Variants in ADGRV1 observed in about 807,000 individuals in gnomAD.
ADGRV1 encodes adhesion G protein-coupled receptor V1.
ADGRV1 carries 359 observed loss-of-function variants against 596.2 expected under a neutral mutation model. The ratio of observed to expected loss-of-function variants is 0.60; its 90% CI spans 0.55 to 0.66. ADGRV1 has a LOEUF of 0.66. Ranked by LOEUF, ADGRV1 falls within the 30% of genes least tolerant of loss-of-function variation. ADGRV1 has a pLI of 0.00. For synonymous variants in ADGRV1, 2,681 were observed against 2,679.2 expected (o/e 1.00, Z -0.02); for missense variants, 7,274 against 7,575.6 (o/e 0.96, Z 1.48).
chr5:91,134,139 C>T (rs1431044214), intron 87 of ADGRV1, among the ~76,000 whole-genome samples: 1 of 151,556 alleles, frequency 6.6e-6, no homozygotes, highest in African/African-American at 2.4e-5. Flanking sequence ...GTACAGAGAA[C>T]TCTGTTTCTT....
chr5:90,941,332 T>A (rs1428938895), intron 83 of ADGRV1, among the ~76,000 whole-genome samples: 1 of 152,186 alleles, frequency 6.6e-6, no homozygotes, highest in Non-Finnish European at 1.5e-5. Context: ...GGCAGTCAAA[T>A]TGATTAACAT....
intron 62 of ADGRV1, 104 bp downstream of exon 62, chr5:90,778,147 T>G (rs1284030608): frequency 1.8e-5 from 24 of 1,309,978 alleles, no homozygotes; most frequent in African/African-American, 3.0e-5. Context: ...GTGTGTGTGG[T>G]TAGAAGTGGG....
chr5:90,660,267 A>T (rs1770072042), intron 21 of ADGRV1, among the ~76,000 whole-genome samples: 1 of 152,150 alleles, frequency 6.6e-6, no homozygotes, highest in African/African-American at 2.4e-5. Context: ...TCAATATTTA[A>T]ATTTTTAATT....
intron 84 of ADGRV1, among the ~76,000 whole-genome samples, chr5:90,976,046 A>C (rs986348794): frequency 4.6e-5 from 7 of 151,844 alleles, no homozygotes; most frequent in Non-Finnish European, 1.0e-4. Flanking sequence ...TAAAAAGTAC[A>C]TCTTTTTCTC....
chr5:90,711,464 G>T, intron 41 of ADGRV1, 142 bp downstream of exon 41: 1 of 580,072 alleles, frequency 1.7e-6, no homozygotes, highest in South Asian at 4.7e-5. Context: ...TAGGACAGAA[G>T]ATTTCCTCAT....
chr5:90,973,853 G>T (rs1779296912), intron 84 of ADGRV1, among the ~76,000 whole-genome samples: 1 of 152,150 alleles, frequency 6.6e-6, no homozygotes. Context: ...TCTGGCCAGG[G>T]CAGTCAGGCA....
At chr5:90,704,850 C>T (rs965728617) in intron 36 of ADGRV1, among the ~76,000 whole-genome samples, 1 of 151,596 alleles carries the variant, frequency 6.6e-6, no homozygotes, top group Non-Finnish European at 1.5e-5. Flanking sequence ...CTCACTCTGT[C>T]ACCAGGCTGG....
At chr5:90,818,352 A>T (rs943338522) in intron 75 of ADGRV1, among the ~76,000 whole-genome samples, 1 of 150,494 alleles carries the variant, frequency 6.6e-6, no homozygotes, top group African/African-American at 2.4e-5. Context: ...CAATCATGTC[A>T]TCTGCAAACA....
intron 22 of ADGRV1, among the ~76,000 whole-genome samples, chr5:90,673,319 A>C (rs1011767034): frequency 1.6e-4 from 24 of 152,092 alleles, no homozygotes; most frequent in Non-Finnish European, 8.8e-5. Flanking sequence ...GCAGTTTCTT[A>C]ATTGGGAAGT....
chr5:91,047,176 G>A (rs1044456848), intron 85 of ADGRV1, among the ~76,000 whole-genome samples: 4 of 152,100 alleles, frequency 2.6e-5, no homozygotes, highest in African/African-American at 7.2e-5. Flanking sequence ...TAGTTGCCAC[G>A]CCTAGTAACT....
chr5:90,783,345 T>A lies in ADGRV1; in HGVS notation c.13433+20T>A. ...TGAAAGGTTGGTATATAGAAAATAA[T>A]GTGGGCACATATAAGACATAAGTAT... On this transcript the variant is annotated intron_variant, in intron 66 of 89. Transcript: ENST00000405460. 6.8e-7 allele frequency: 1 copy of A among 1,478,320 alleles called. No individual in the cohort carries two copies. The highest frequency in any genetic ancestry group is 9.4e-7 in the Non-Finnish European group (1 of 1,061,998). The allele number at this position is 1,478,320 out of a possible 1,614,324, so 91.6% of individuals were successfully genotyped here.
intron 38 of ADGRV1, among the ~76,000 whole-genome samples, chr5:90,706,970 G>C (rs989697290): frequency 1.3e-5 from 2 of 151,946 alleles, no homozygotes; most frequent in African/African-American, 4.8e-5. Flanking sequence ...CCGTGATAAA[G>C]AATTTTCTTA....
At chr5:90,652,078 A>G (rs1768712282) in intron 18 of ADGRV1, among the ~76,000 whole-genome samples, 1 of 152,012 alleles carries the variant, frequency 6.6e-6, no homozygotes, top group African/African-American at 2.4e-5. Context: ...AACTTTTTCC[A>G]ACTGTCATTT....
chr5:90,693,137 G>GTTTTTTTTTTC (rs59588885), intron 32 of ADGRV1, among the ~76,000 whole-genome samples: 2,695 of 131,772 alleles, frequency 0.02, 99 homozygotes, highest in African/African-American at 0.074. Flanking sequence ...TTCCAGGTCT[G>GTTTTTTTTTTC]TTTTTTTTTT....
In ADGRV1 at chr5:90,697,016, G is replaced by T. The variant is rs1472112585; in HGVS notation, c.8025G>T (p.Leu2675Phe). 1 of 1,613,180 alleles carries T rather than the reference G, an allele frequency of 6.2e-7. No homozygotes were observed. Among genetic ancestry groups the T allele is most frequent in the Admixed American group, 1.7e-5 (1 of 59,948 alleles). ...ATGACGAAAGTATCATAGTTAGTTT[G>T]GTGTACACTGAAGGTGGAAGTAGAA... is the stretch of plus-strand genomic sequence containing the variant. ...PEDDESIIVSLVYTEGGSRIL... is the reference protein window; with the variant it reads ...PEDDESIIVSFVYTEGGSRIL... Residue 2675 changes from leucine (L) to phenylalanine (F), a missense_variant, in exon 34 of 90, where the codon TTG (leucine) becomes TTT (phenylalanine). Leu to Phe is a conservative substitution (Grantham distance 22). Coordinates refer to ENST00000405460, the MANE Select transcript of ADGRV1 (RefSeq NM_032119.4).
intron 85 of ADGRV1, among the ~76,000 whole-genome samples, chr5:91,067,122 T>C (rs910410217): frequency 2.0e-5 from 3 of 150,322 alleles, no homozygotes; most frequent in Admixed American, 1.3e-4. Context: ...ATCCTATAAG[T>C]AGGGAGAATT....
chr5:91,030,755 G>A (rs1298750857), intron 85 of ADGRV1, among the ~76,000 whole-genome samples: 1 of 152,114 alleles, frequency 6.6e-6, no homozygotes. Context: ...TAACAGACAA[G>A]ATTAACTTCT....
chr5:90,753,892 ATATT>A, intron 54 of ADGRV1, 63 bp downstream of exon 54: 2 of 1,419,176 alleles, frequency 1.4e-6, no homozygotes, highest in Non-Finnish European at 1.9e-6. Flanking sequence ...TTTAATTCTA[ATATT>A]TATAAGGAAT....
chr5:91,030,613 G>A (rs1354733613), intron 85 of ADGRV1, among the ~76,000 whole-genome samples: 1 of 151,906 alleles, frequency 6.6e-6, no homozygotes, highest in Non-Finnish European at 1.5e-5. Context: ...ATGATCATGT[G>A]TAGACCTTTT....
Sources: allele counts gnomAD v4.1 joint callset (sites outside exome capture counted in the v4.1 genomes callset), GRCh38; gene constraint gnomAD v4.1.1; transcripts MANE v1.5; gene names NCBI Gene and HGNC (gene_info 2026-07-23, HGNC 2026-07-21).